The following NCR1 variants were observed in gnomAD, a reference collection of about 807,000 sequenced individuals.
The protein encoded by NCR1 is NK cell-activating receptor.
In NCR1, 30 loss-of-function variants were observed where a neutral mutation model predicts 32.5. The ratio of observed to expected loss-of-function variants is 0.92; its 90% confidence interval spans 0.69 to 1.25. The LOEUF (loss-of-function observed/expected upper bound fraction) is 1.25. Ranked by LOEUF, NCR1 falls within the 50% of genes most tolerant of loss-of-function variation. The pLI is 0.00. For synonymous variants in NCR1, 169 were observed against 143.4 expected (o/e 1.18, Z -1.28); for missense variants, 369 against 380.7 (o/e 0.97, Z 0.26).
chr19:54,936,335 G>T, the NCR1 span: 1 of 1,613,980 alleles, frequency 6.2e-7, no homozygotes. Flanking sequence ...GTTCCCACTC[G>T]ATGTGCCCTG....
At chr19:54,910,203 GAGATGGTGCATC>G in intron 5 of NCR1, 138 bp downstream of exon 5, 1 of 788,392 alleles carries the variant, frequency 1.3e-6, no homozygotes, top group Non-Finnish European at 2.1e-6. Context: ...TTGGGAGGCC[GAGATGGTGCATC>G]ATTTGAGGTC....
intron 4 of NCR1, among the ~76,000 whole-genome samples, 198 bp downstream of exon 4, chr19:54,909,721 G>A (rs1255662074): frequency 1.3e-5 from 2 of 152,056 alleles, no homozygotes; most frequent in Non-Finnish European, 2.9e-5. Context: ...TGGATCACAA[G>A]GTCAGGAGTT....
the NCR1 span, chr19:54,923,872 C>T: frequency 6.2e-7 from 1 of 1,613,436 alleles, no homozygotes; most frequent in Non-Finnish European, 8.5e-7. Context: ...AGGTCTTCAA[C>T]CTGGAGGGAT....
chr19:54,925,552 T>G, the NCR1 span, among the ~76,000 whole-genome samples: 2 of 152,182 alleles, frequency 1.3e-5, no homozygotes, highest in South Asian at 4.1e-4. Context: ...ACGCCTGCAA[T>G]CCGGGTACTT....
the NCR1 span, among the ~76,000 whole-genome samples, chr19:54,900,919 C>T: frequency 6.6e-5 from 10 of 151,690 alleles, no homozygotes; most frequent in Non-Finnish European, 1.5e-4. Flanking sequence ...AAATTTAAAC[C>T]ATTGAATTAT....
upstream of NCR1, among the ~76,000 whole-genome samples, chr19:54,902,975 C>T (rs1169371060): frequency 6.6e-6 from 1 of 151,366 alleles, no homozygotes; most frequent in Non-Finnish European, 1.5e-5. Context: ...ACTAAAAATA[C>T]AAAAATTAGT....
At chr19:54,932,749 A>G in the NCR1 span, among the ~76,000 whole-genome samples, 45,936 of 151,594 alleles carry the variant, frequency 0.3, 7,258 homozygotes, top group East Asian at 0.41. Flanking sequence ...TCTGCCTCCC[A>G]GATTCAAGCG....
At chr19:54,905,133 G>C (rs2067503007), upstream of NCR1, among the ~76,000 whole-genome samples, 1 of 152,158 alleles carries the variant, frequency 6.6e-6, no homozygotes, top group African/African-American at 2.4e-5. Flanking sequence ...TGGTAACTCT[G>C]TTTGTAGTTC....
the NCR1 span, among the ~76,000 whole-genome samples, chr19:54,925,786 G>T: frequency 6.6e-6 from 1 of 152,112 alleles, no homozygotes; most frequent in Non-Finnish European, 1.5e-5. Flanking sequence ...ATCACCTGAG[G>T]TCAGGAATTC....
At chr19:54,910,804 G>C (rs138651973) in intron 5 of NCR1, among the ~76,000 whole-genome samples, 26 of 152,270 alleles carry the variant, frequency 1.7e-4, no homozygotes, top group Admixed American at 3.9e-4. Context: ...ATGGCAGCTA[G>C]CAATATTAAA....
the NCR1 span, among the ~76,000 whole-genome samples, chr19:54,922,858 A>G: frequency 6.6e-6 from 1 of 151,228 alleles, no homozygotes; most frequent in African/African-American, 2.4e-5. Context: ...AGCGACAGAG[A>G]CACACACAGA....
the NCR1 span, among the ~76,000 whole-genome samples, chr19:54,934,087 G>C: frequency 6.6e-6 from 1 of 152,120 alleles, no homozygotes; most frequent in Non-Finnish European, 1.5e-5. The surrounding 1 kb of genome is among the most constrained non-coding windows in gnomAD (Gnocchi z 6.7). Context: ...GGGACTACAG[G>C]CGCCCACCAC....
upstream of NCR1, among the ~76,000 whole-genome samples, chr19:54,904,725 T>C (rs1356262881): frequency 6.6e-6 from 1 of 151,774 alleles, no homozygotes; most frequent in Non-Finnish European, 1.5e-5. Context: ...AGAGACAGGG[T>C]TTCTGCATGT....
the NCR1 span, among the ~76,000 whole-genome samples, chr19:54,929,028 C>T: frequency 6.6e-6 from 1 of 152,092 alleles, no homozygotes; most frequent in South Asian, 2.1e-4. Context: ...ATAAAGGTAT[C>T]ACGGTCTGGC....
upstream of NCR1, among the ~76,000 whole-genome samples, chr19:54,901,477 G>A (rs903900670): frequency 6.6e-6 from 1 of 151,934 alleles, no homozygotes; most frequent in South Asian, 2.1e-4. Context: ...GTCTGTAGAG[G>A]GGGGACAGTC....
rs1429829985 is a variant in NCR1, at chr19:54,906,628, A to G, written c.176A>G (p.Gln59Arg). The change falls in exon 3 of 7, where the codon CAG (glutamine) becomes CGG (arginine). Residue 59 changes from glutamine to arginine, a missense_variant. Transcript: ENST00000291890. ...CQGNYGAVEY[Q>R]LHFEGSLFAV... Reference sequence around the variant, plus strand: ...GGAAATTATGGGGCTGTTGAATACCAGCTGCACTTTGAAGGAAGCCTTTTT... The same window carrying G: ...GGAAATTATGGGGCTGTTGAATACCGGCTGCACTTTGAAGGAAGCCTTTTT... 1 of 1,614,226 alleles carries G rather than the reference A, an allele frequency of 6.2e-7. No individual in the cohort carries two copies. The highest frequency in any genetic ancestry group is 1.7e-5 in the Admixed American group (1 of 60,028).
the NCR1 span, among the ~76,000 whole-genome samples, chr19:54,926,793 G>GT: frequency 4.0e-5 from 6 of 151,864 alleles, no homozygotes; most frequent in Non-Finnish European, 8.8e-5. Context: ...GCGAGCGACT[G>GT]TAATCCTAGC....
chr19:54,903,883 G>C (rs2146016181), upstream of NCR1, among the ~76,000 whole-genome samples: 1 of 151,588 alleles, frequency 6.6e-6, no homozygotes, highest in South Asian at 2.1e-4. Context: ...CCAGCACTTT[G>C]AGAGGCCGAG....
At chr19:54,907,069 A>C (rs2067669771) in intron 3 of NCR1, among the ~76,000 whole-genome samples, 1 of 151,974 alleles carries the variant, frequency 6.6e-6, no homozygotes, top group Non-Finnish European at 1.5e-5. Context: ...GGTATGACTG[A>C]GGAATGTCCT....
Sources: allele counts gnomAD v4.1 joint callset (sites outside exome capture counted in the v4.1 genomes callset), GRCh38; gene constraint gnomAD v4.1.1; non-coding constraint Gnocchi (gnomAD v3.1); transcripts MANE v1.5; gene names NCBI Gene and HGNC (gene_info 2026-07-23, HGNC 2026-07-21).